VPS53: variants seen among roughly 807,000 people sequenced by gnomAD.
VPS53 encodes vacuolar protein sorting-associated protein 53 homolog.
A neutral mutation model predicts 107.0 loss-of-function variants in VPS53; 70 were observed. The observed-to-expected ratio is 0.65, with a 90% CI of 0.54 to 0.80. The LOEUF (loss-of-function observed/expected upper bound fraction) is 0.80, where lower values mean the gene tolerates loss of function less well. Among genes scored for constraint, VPS53 ranks in the 30% least tolerant of loss-of-function variants. The pLI is 0.00. For synonymous variants in VPS53, 409 were observed against 393.3 expected (o/e 1.04, Z -0.47); for missense variants, 917 against 1,049.4 (o/e 0.87, Z 1.74).
At chr17:658,661 G>A (rs561513317) in intron 5 of VPS53, among the ~76,000 whole-genome samples, 9 of 146,360 alleles carry the variant, frequency 6.1e-5, no homozygotes, top group African/African-American at 1.5e-4. Context: ...CCGTGAGTTC[G>A]TGGATAGATA....
At chr17:568,685 G>A (rs954529682) in intron 13 of VPS53, among the ~76,000 whole-genome samples, 1 of 152,204 alleles carries the variant, frequency 6.6e-6, no homozygotes, top group Admixed American at 6.5e-5. Flanking sequence ...CTGGGAGATG[G>A]GTTACATACA....
chr17:606,213 G>A (rs914322926), intron 11 of VPS53, among the ~76,000 whole-genome samples: 1 of 152,114 alleles, frequency 6.6e-6, no homozygotes, highest in African/African-American at 2.4e-5. Context: ...GGAGTGAAGG[G>A]ACAGTCACTT....
intron 17 of VPS53, among the ~76,000 whole-genome samples, chr17:550,186 G>A (rs1246185972): frequency 3.3e-5 from 5 of 152,168 alleles, no homozygotes; most frequent in Non-Finnish European, 2.9e-5. Context: ...ATGATGTCAC[G>A]TTGGCCCAGA....
intron 7 of VPS53, among the ~76,000 whole-genome samples, chr17:645,352 T>A (rs545949886): frequency 6.6e-6 from 1 of 152,370 alleles, no homozygotes; most frequent in African/African-American, 2.4e-5. Context: ...TTAATTGAGT[T>A]GTTTGGCTTT....
intron 4 of VPS53, chr17:676,066 C>T (rs869297873): frequency 1.3e-5 from 2 of 152,190 alleles, no homozygotes; most frequent in East Asian, 1.9e-4. Context: ...CAAGCCAAAA[C>T]AGATGTATTA....
intron 4 of VPS53, among the ~76,000 whole-genome samples, chr17:672,174 A>ACTCTCTCTCTCTCTCTCTCTCTCT (rs1567727983): frequency 1.7e-4 from 7 of 40,226 alleles, no homozygotes; most frequent in South Asian, 1.0e-3. Context: ...ACACAATCTC[A>ACTCTCTCTCTCTCTCTCTCTCTCT]ATCTCTCTCT....
intron 15 of VPS53, among the ~76,000 whole-genome samples, chr17:557,271 T>A (rs183682276): frequency 2.6e-5 from 4 of 152,318 alleles, no homozygotes; most frequent in Admixed American, 2.0e-4. Flanking sequence ...TGCCTCCTTC[T>A]CACGGCCTTC....
chr17:533,063 CT>C, intron 18 of VPS53, 152 bp from the exon 19 acceptor site: 6 of 1,361,424 alleles, frequency 4.4e-6, no homozygotes, highest in Non-Finnish European at 4.9e-6. Flanking sequence ...TATTTTTCTT[CT>C]GAGTGAAGTC....
chr17:643,059 C>T (rs868627402), intron 7 of VPS53, among the ~76,000 whole-genome samples: 397 of 117,418 alleles, frequency 3.4e-3, no homozygotes, highest in Non-Finnish European at 5.6e-3. Context: ...AAATCAAGGA[C>T]AACACTCATA....
intron 4 of VPS53, among the ~76,000 whole-genome samples, chr17:686,504 C>T (rs1972590602): frequency 6.6e-6 from 1 of 152,098 alleles, no homozygotes. Context: ...GTCTTGAAGA[C>T]AGGACAAGAG....
intron 17 of VPS53, among the ~76,000 whole-genome samples, chr17:539,405 G>C (rs952483521): frequency 1.3e-5 from 2 of 152,144 alleles, no homozygotes; most frequent in Non-Finnish European, 2.9e-5. Flanking sequence ...TTAATACTCT[G>C]GTCAGTCATG....
chr17:623,595 T>C lies in VPS53; in HGVS notation c.1054A>G (p.Thr352Ala). The C allele has an allele frequency of 4.3e-6, 7 of 1,614,038 alleles. No individual in the cohort carries two copies. Among genetic ancestry groups the C allele is most frequent in the South Asian group, 1.1e-5 (1 of 91,068 alleles). The change falls in exon 11 of 22, where the codon ACT (threonine) becomes GCT (alanine). Residue 352 changes from threonine (T) to alanine (A), a missense_variant. By Grantham distance (58) the Thr-to-Ala change is moderately conservative. Transcript: ENST00000437048. ...TTTGCAAGAAACCCCTCAAAGTTAG[T>C]TGTTCTTTGAATAGCAAAAAGAAGC... ...KLLLFAIQRT[T>A]NFEGFLAKRF...
intron 12 of VPS53, among the ~76,000 whole-genome samples, chr17:587,184 TC>T (rs1967364635): frequency 1.3e-5 from 2 of 152,164 alleles, no homozygotes; most frequent in African/African-American, 4.8e-5. Flanking sequence ...TGTCTCAGCC[TC>T]CTAAGTAGCT....
At position 518,032 on chromosome 17, in the gene VPS53, A is replaced by C. The variant is rs1392804072; in HGVS notation, c.*1096T>G. On this transcript the variant is annotated 3_prime_UTR_variant, in exon 22 of 22. Transcript: ENST00000437048. ...GTGATCCTCCTGCCTTGGTCTCCCAAAGTGTTGCGACTACAGGCATGAGCC... is the reference window on the plus strand; with the variant it reads ...GTGATCCTCCTGCCTTGGTCTCCCACAGTGTTGCGACTACAGGCATGAGCC... 6.6e-6 allele frequency: 1 copy of C among 152,234 alleles called. No individual in the cohort carries two copies. The highest frequency in any genetic ancestry group is 1.5e-5 in the Non-Finnish European group (1 of 68,092). The allele number at this position is 152,234 out of a possible 1,614,324, so 9.4% of individuals were successfully genotyped here. A position where few individuals can be genotyped will look rare whatever the true frequency, so the allele number is the denominator to read the frequency against.
chr17:559,335 T>A (rs973524432), intron 15 of VPS53, among the ~76,000 whole-genome samples: 11 of 152,344 alleles, frequency 7.2e-5, no homozygotes, highest in Admixed American at 7.2e-4. Context: ...TTTACATGTA[T>A]CGTATTTCTT....
intron 16 of VPS53, chr17:552,923 ACG>A: frequency 2.6e-6 from 1 of 381,962 alleles, no homozygotes; most frequent in Admixed American, 4.2e-5. Context: ...CAAGGTATAT[ACG>A]TGCCGCACGC....
rs1273553228 is a variant in VPS53 at position 520,075 on chromosome 17, C to A, written c.2224-145G>T. 4.8e-6 allele frequency: 3 copies of A among 624,428 alleles called. No individual in the cohort carries two copies. Among genetic ancestry groups the A allele is most frequent in the South Asian group, 1.9e-5 (1 of 51,706 alleles). The allele number at this position is 624,428 out of a possible 1,614,324, so 38.7% of individuals were successfully genotyped here. The stretch of plus-strand genomic sequence containing the variant: ...CAGGAAAACTCACTCCTCACTTGCC[C>A]GCCGAGCGCTAAATGGATTCTGAGA... On this transcript the variant is annotated intron_variant, in intron 20 of 21. Coordinates refer to ENST00000437048, the MANE Select transcript of VPS53 (RefSeq NM_001128159.3). The surrounding 1 kb of genome is among the most constrained non-coding windows in gnomAD (Gnocchi z 4.4).
In VPS53 at chr17:714,049, A is replaced by AC. The variant is rs948127293; in HGVS notation, c.87+573_87+574insG. On this transcript the variant is annotated intron_variant, in intron 1 of 21. Coordinates refer to ENST00000437048, the MANE Select transcript of VPS53 (RefSeq NM_001128159.3). ...GACAGAGCGAGAATCCGTCTCAAAA[A>AC]AAAAAAAAAAAAAAAGTTCCTGAAG... The AC allele has an allele frequency of 8.6e-5, 13 of 151,616 alleles. 1 individual carries two copies. The highest frequency in any genetic ancestry group is 2.9e-4 in the African/African-American group (12 of 41,458). 9.4% of individuals were successfully genotyped at this position (151,616 alleles called of 1,614,324 possible).
chr17:563,542 C>T (rs2151854299), intron 13 of VPS53, among the ~76,000 whole-genome samples: 1 of 152,322 alleles, frequency 6.6e-6, no homozygotes, highest in Admixed American at 6.5e-5. Flanking sequence ...GATCCACCCA[C>T]CTTGGCCTCC....
Sources: gnomAD v4.1 joint callset for allele counts (sites outside exome capture counted in the v4.1 genomes callset) on GRCh38, gnomAD v4.1.1 for gene constraint, Gnocchi (gnomAD v3.1) non-coding constraint, MANE v1.5 for transcripts, NCBI Gene and HGNC (gene_info 2026-07-23, HGNC 2026-07-21) for gene names.